The following SREBF2 variants were observed in gnomAD, a reference collection of about 807,000 sequenced individuals.
SREBF2 encodes the protein sterol regulatory element-binding protein 2.
In SREBF2, 55 loss-of-function variants were observed where a neutral mutation model predicts 113.1. That is an observed-to-expected ratio of 0.49 (90% CI 0.39 to 0.61). The LOEUF is 0.61. SREBF2 is among the 20% of genes least tolerant of loss of function. SREBF2 has a pLI of 0.00. For synonymous variants in SREBF2, 593 were observed against 605.7 expected (o/e 0.98, Z 0.31); for missense variants, 1,349 against 1,487.4 (o/e 0.91, Z 1.53).
rs755560552 is a variant in SREBF2, at chr22:41,833,243, AG to A, written c.-21del. The A allele has an allele frequency of 4.3e-5, 65 of 1,507,046 alleles. No individual in the cohort carries two copies. Among genetic ancestry groups the A allele is most frequent in the South Asian group, 1.5e-4 (12 of 80,412 alleles). 93.4% of individuals were successfully genotyped at this position (1,507,046 alleles called of 1,614,324 possible). ...CCCGCGTCTCCCTGAGCGGGACGGC[AG>A]GGGGGGCTTCTGCGCTGAGCCGGGC... is the stretch of plus-strand genomic sequence containing the variant. On this transcript the variant is annotated 5_prime_UTR_variant, in exon 1 of 19. Coordinates refer to ENST00000361204, the MANE Select transcript of SREBF2 (RefSeq NM_004599.4). This position sits in a 1 kb window ranked among gnomAD's most constrained non-coding sequence, Gnocchi z 4.1.
chr22:41,853,391 A>G (rs1353972305), intron 1 of SREBF2, among the ~76,000 whole-genome samples: 2 of 152,154 alleles, frequency 1.3e-5, no homozygotes, highest in Admixed American at 1.3e-4. Flanking sequence ...TCAGCCTTCA[A>G]TCCAACTCCT....
intron 1 of SREBF2, among the ~76,000 whole-genome samples, chr22:41,866,533 G>A (rs1318659702): frequency 2.0e-5 from 3 of 152,170 alleles, no homozygotes; most frequent in Non-Finnish European, 4.4e-5. Context: ...CAGCGTGGGC[G>A]ATAGAGGAAG....
chr22:41,906,280 C>T lies in SREBF2; in HGVS notation c.*620C>T. Reference sequence around the variant, plus strand: ...AGGAGGGGGGCCCAGCCCTGGGAGGCTGGTGGGAGGCAGGGGGCAGGCCTG... The same window carrying T: ...AGGAGGGGGGCCCAGCCCTGGGAGGTTGGTGGGAGGCAGGGGGCAGGCCTG... On this transcript the variant is annotated 3_prime_UTR_variant, in exon 19 of 19. Transcript: ENST00000361204. 1 of 243,060 alleles carries T rather than the reference C, an allele frequency of 4.1e-6. No individual in the cohort carries two copies. The highest frequency in any genetic ancestry group is 8.2e-6 in the Non-Finnish European group (1 of 121,970). 15.1% of individuals were successfully genotyped at this position (243,060 alleles called of 1,614,324 possible).
intron 16 of SREBF2, 92 bp downstream of exon 16, chr22:41,900,590 G>T: frequency 7.3e-7 from 1 of 1,367,942 alleles, no homozygotes. Flanking sequence ...CTGCGGGTGG[G>T]GCCATCCGAA....
chr22:41,833,652 G>A lies in SREBF2; in HGVS notation c.88+294G>A, dbSNP rs1602254745. The A allele has an allele frequency of 3.3e-6, 1 of 306,150 alleles. No homozygotes were observed. Among genetic ancestry groups the A allele is most frequent in the East Asian group, 5.3e-5 (1 of 18,858 alleles). 19.0% of individuals were successfully genotyped at this position (306,150 alleles called of 1,614,324 possible). A position where few individuals can be genotyped will look rare whatever the true frequency, so the allele number is the denominator to read the frequency against. ...GGACGTCGCGGGGGCGTCTCAGGGA[G>A]CGGCCTAAGGAGAGCGCGTGGCCGC... On this transcript the variant is annotated intron_variant, in intron 1 of 18. Coordinates refer to ENST00000361204, the MANE Select transcript of SREBF2 (RefSeq NM_004599.4). This position sits in a 1 kb window ranked among gnomAD's most constrained non-coding sequence, Gnocchi z 4.1.
At chr22:41,894,061 A>C (rs933042163) in intron 12 of SREBF2, among the ~76,000 whole-genome samples, 1 of 152,214 alleles carries the variant, frequency 6.6e-6, no homozygotes, top group Non-Finnish European at 1.5e-5. Flanking sequence ...CAAAATATAA[A>C]GGATGAAAGC....
At chr22:41,872,888 G>A (rs1190581402) in intron 4 of SREBF2, among the ~76,000 whole-genome samples, 4 of 146,422 alleles carry the variant, frequency 2.7e-5, no homozygotes, top group Non-Finnish European at 1.5e-5. Context: ...GTGAGACTTT[G>A]TCTCAAAAAA....
intron 1 of SREBF2, among the ~76,000 whole-genome samples, chr22:41,843,253 G>A (rs1008418329): frequency 3.3e-5 from 5 of 152,170 alleles, no homozygotes; most frequent in African/African-American, 1.2e-4. Context: ...GACTGTTTCC[G>A]TAGTCACCTC....
chr22:41,861,905 C>G (rs1396043068), intron 1 of SREBF2, among the ~76,000 whole-genome samples: 4 of 150,532 alleles, frequency 2.7e-5, no homozygotes, highest in African/African-American at 9.8e-5. Context: ...GGCAACAGAG[C>G]GAGACTTTGT....
At position 41,900,948 on chromosome 22, in the gene SREBF2, G is replaced by C. The variant is rs753597642; in HGVS notation, c.2907+450G>C. On this transcript the variant is annotated intron_variant, in intron 16 of 18. Coordinates refer to ENST00000361204, the MANE Select transcript of SREBF2 (RefSeq NM_004599.4). ...CGCATACCTCCTGGCGGGCAGCTGT[G>C]GTGCATTGTAGTTGCATTGCATGTT... 4.9e-5 allele frequency: 26 copies of C among 535,256 alleles called. No individual in the cohort carries two copies. The Middle Eastern group carries it at 9.5e-4, about 20-fold the overall frequency. The allele number at this position is 535,256 out of a possible 1,614,324, so 33.2% of individuals were successfully genotyped here. A position where few individuals can be genotyped will look rare whatever the true frequency, so the allele number is the denominator to read the frequency against.
At chr22:41,862,634 A>C (rs767055917) in intron 1 of SREBF2, among the ~76,000 whole-genome samples, 26 of 152,228 alleles carry the variant, frequency 1.7e-4, no homozygotes, top group Non-Finnish European at 3.1e-4. Context: ...GGGAACAGTG[A>C]GGAGCCATTA....
chr22:41,843,475 A>G (rs1348940103), intron 1 of SREBF2, among the ~76,000 whole-genome samples: 1 of 152,260 alleles, frequency 6.6e-6, no homozygotes, highest in Non-Finnish European at 1.5e-5. Flanking sequence ...ACGTTTTTGC[A>G]TGCAATCTTT....
intron 8 of SREBF2, 39 bp from the exon 9 acceptor site, chr22:41,877,903 G>A: frequency 6.2e-7 from 1 of 1,613,076 alleles, no homozygotes; most frequent in Non-Finnish European, 8.5e-7. Context: ...GCTCCGCAAG[G>A]CCTTTCCTAG....
In SREBF2 at chr22:41,880,771, G is replaced by C; in HGVS notation, c.1817G>C (p.Arg606Pro). 6.2e-7 allele frequency: 1 copy of C among 1,614,130 alleles called. No individual in the cohort carries two copies. Among genetic ancestry groups the C allele is most frequent in the Non-Finnish European group, 8.5e-7 (1 of 1,180,034 alleles). Residue 606 changes from arginine (R) to proline (P), a missense_variant, in exon 10 of 19, where the codon CGG becomes CCG. Physicochemically the swap from Arg to Pro is moderately radical, Grantham distance 103. Around this residue, in one of 2 missense-constraint regions of SREBF2, gnomAD observed 699 missense variants for 843.3 expected, o/e 0.83. Transcript: ENST00000361204. ...CAAACCTGCCTGGCAGTTTTGGGCCGGGCACTGCCCACCTCCCGCCTGGAC... is the reference window on the plus strand; with the variant it reads ...CAAACCTGCCTGGCAGTTTTGGGCCCGGCACTGCCCACCTCCCGCCTGGAC... ...NLQTCLAVLG[R>P]ALPTSRLDLA...
rs374060553 is a variant in SREBF2, at chr22:41,877,982, C to T, written c.1620C>T (p.Leu540=). 75 of 1,614,022 alleles carry T rather than the reference C, an allele frequency of 4.6e-5. No homozygotes were observed. In the African/African-American group the frequency reaches 9.2e-4, roughly 20 times the overall value. ...TTGACTGGATGATGCCTACTCTTCT[C>T]TTATGGCTGGTAAATGGTGTGATTG... is the stretch of plus-strand genomic sequence containing the variant. ...GWFDWMMPTL[L]LWLVNGVIVL... Residue 540 remains leucine, a synonymous_variant, in exon 9 of 19, where the codon CTC becomes CTT. Transcript: ENST00000361204.
At position 41,906,392 on chromosome 22, in the gene SREBF2, C is replaced by T. The variant is rs187681619; in HGVS notation, c.*732C>T. 241 of 180,504 alleles carry T rather than the reference C, an allele frequency of 1.3e-3. 1 individual carries two copies. Among genetic ancestry groups the T allele is most frequent in the African/African-American group, 5.7e-3 (237 of 41,908 alleles). The allele number at this position is 180,504 out of a possible 1,614,324, so 11.2% of individuals were successfully genotyped here. On this transcript the variant is annotated 3_prime_UTR_variant, in exon 19 of 19. Transcript: ENST00000361204. ...TTTAATTGTCCTGTTCCTTCCCACT[C>T]CCCGCCTCCTAGGATGTTAGCCCAA... is the stretch of plus-strand genomic sequence containing the variant.
Position 41,878,108 on chromosome 22 carries a change from T to A in SREBF2, c.1746T>A (p.Asp582Glu). The change falls in exon 9 of 19, where the codon GAT becomes GAA. Residue 582 changes from aspartate to glutamate, a missense_variant. Asp to Glu is a conservative substitution (Grantham distance 45). Coordinates refer to ENST00000361204, the MANE Select transcript of SREBF2 (RefSeq NM_004599.4). Reference sequence around the variant, plus strand: ...TCTGGAGGCACCGGAAACAGGCAGATCTGGATCTCGCCAGAGTGAGTTCTG... The same window carrying A: ...TCTGGAGGCACCGGAAACAGGCAGAACTGGATCTCGCCAGAGTGAGTTCTG... ...VTFWRHRKQA[D>E]LDLARGDFAA... The A allele has an allele frequency of 6.2e-7, 1 of 1,614,120 alleles. No individual in the cohort carries two copies. Among genetic ancestry groups the A allele is most frequent in the South Asian group, 1.1e-5 (1 of 91,080 alleles).
At chr22:41,841,795 C>G (rs958977609) in intron 1 of SREBF2, among the ~76,000 whole-genome samples, 1 of 152,224 alleles carries the variant, frequency 6.6e-6, no homozygotes, top group African/African-American at 2.4e-5. Context: ...GCGTACATAT[C>G]ACAGTGTTTT....
chr22:41,903,414 A>G, intron 17 of SREBF2, among the ~76,000 whole-genome samples: 1 of 152,042 alleles, frequency 6.6e-6, no homozygotes. Context: ...TTGCTGCCAC[A>G]GACAGGGGCC....
Sources: gnomAD v4.1 joint callset for allele counts (sites outside exome capture counted in the v4.1 genomes callset) on GRCh38, gnomAD v4.1.1 for gene constraint, gnomAD v4.1.1 regional missense constraint, Gnocchi (gnomAD v3.1) non-coding constraint, MANE v1.5 for transcripts, NCBI Gene and HGNC (gene_info 2026-07-23, HGNC 2026-07-21) for gene names.